ABI3BP: variants seen among roughly 807,000 people sequenced by gnomAD.
ABI3BP encodes the protein target of Nesh-SH3.
A neutral mutation model predicts 268.6 loss-of-function variants in ABI3BP; 216 were observed. The observed-to-expected ratio is 0.80, with a 90% confidence interval of 0.72 to 0.90. ABI3BP has a LOEUF of 0.90. Ranked by LOEUF, ABI3BP falls within the 40% of genes least tolerant of loss-of-function variation. ABI3BP has a pLI of 0.00. For missense variants in ABI3BP, 2,090 were observed against 2,182.4 expected (o/e 0.96, Z 0.84); for synonymous variants, 730 against 730.0 (o/e 1.00, Z 0.00).
chr3:100,796,601 T>C (rs1331457975), intron 51 of ABI3BP, 133 bp from the exon 52 acceptor site: 1 of 558,578 alleles, frequency 1.8e-6, no homozygotes, highest in East Asian at 3.4e-5. Context: ...TGACCAAAGT[T>C]GAGAAGATGC....
Position 100,840,874 on chromosome 3 carries a change from A to C in ABI3BP, c.1766-16T>G. ...GTTTCAGGTCCTAAGACAATGTGAA[A>C]AAATCACCAAGAAAGAATCAAGATC... On this transcript the variant is annotated splice_polypyrimidine_tract_variant and intron_variant, in intron 21 of 67. Coordinates refer to ENST00000471714, the MANE Select transcript of ABI3BP (RefSeq NM_001375547.2). 2.6e-6 allele frequency: 4 copies of C among 1,530,386 alleles called. No individual in the cohort carries two copies. The highest frequency in any genetic ancestry group is 3.5e-6 in the Non-Finnish European group (4 of 1,143,140). 94.8% of individuals were successfully genotyped at this position (1,530,386 alleles called of 1,614,324 possible).
At chr3:100,847,726 C>T (rs2098788511) in intron 18 of ABI3BP, 53 bp from the exon 19 acceptor site, 3 of 1,454,998 alleles carry the variant, frequency 2.1e-6, no homozygotes, top group African/African-American at 1.4e-5. Flanking sequence ...AATAAAAAGA[C>T]ACCCTCTAAA....
chr3:100,928,253 C>A (rs1338733001), intron 1 of ABI3BP, among the ~76,000 whole-genome samples: 1 of 151,876 alleles, frequency 6.6e-6, no homozygotes, highest in East Asian at 1.9e-4. Flanking sequence ...TCTTTATTCC[C>A]CAGAGATTTA....
intron 42 of ABI3BP, 102 bp from the exon 43 acceptor site, chr3:100,816,870 G>T: frequency 1.4e-6 from 1 of 735,296 alleles, no homozygotes; most frequent in Non-Finnish European, 2.2e-6. Context: ...TAAGTCATAT[G>T]TCTTTTAAGA....
intron 2 of ABI3BP, among the ~76,000 whole-genome samples, chr3:100,916,858 T>C (rs2058754211): frequency 6.6e-6 from 1 of 152,204 alleles, no homozygotes; most frequent in South Asian, 2.1e-4. Context: ...GTGAAACATC[T>C]GGGGACCATG....
In ABI3BP at chr3:100,752,200, C is replaced by G. The variant is rs9823961; in HGVS notation, c.5123-526G>C. 6.4e-3 allele frequency among the ~76,000 whole-genome samples: 981 copies of G among 152,226 alleles called. 8 individuals carry two copies. Among genetic ancestry groups the G allele is most frequent in the African/African-American group, 0.021 (889 of 41,550 alleles). On this transcript the variant is annotated intron_variant, in intron 66 of 67. Transcript: ENST00000471714. ...AAATGTTTACTTATTTATGTATTGT[C>G]TATCTCTTCTTACTAAGGAAGGGAA...
chr3:100,927,834 G>GTTAAT (rs2062306969), intron 1 of ABI3BP, among the ~76,000 whole-genome samples: 1 of 152,060 alleles, frequency 6.6e-6, no homozygotes, highest in Non-Finnish European at 1.5e-5. Flanking sequence ...TAATGTAAAT[G>GTTAAT]GCACAACCTT....
chr3:100,770,938 A>G lies in ABI3BP; in HGVS notation c.4546T>C (p.Tyr1516His), dbSNP rs1321784356. 2 of 1,587,468 alleles carry G rather than the reference A, an allele frequency of 1.3e-6. No individual in the cohort carries two copies. The highest frequency in any genetic ancestry group is 2.3e-5 in the South Asian group (2 of 85,614). ...GGACTGTTGTCAGGCTTTTGGATGT[A>G]TCGCACATGAGGTCCTACGAGAGAG... is the stretch of plus-strand genomic sequence containing the variant. ...KPRFKGPHVR[Y>H]IQKPDNSPCS... is the part of the protein sequence containing the mutation. The change falls in exon 62 of 68, where the codon TAC becomes CAC. Residue 1516 changes from tyrosine to histidine, a missense_variant. Tyr to His is a moderately conservative substitution (Grantham distance 83). Coordinates refer to ENST00000471714, the MANE Select transcript of ABI3BP (RefSeq NM_001375547.2).
chr3:100,853,603 A>T (rs1409363163), intron 14 of ABI3BP, among the ~76,000 whole-genome samples: 3 of 152,192 alleles, frequency 2.0e-5, no homozygotes, highest in African/African-American at 4.8e-5. Flanking sequence ...ATTTAGTGAC[A>T]TTGGACCAAT....
At chr3:100,812,584 T>C in intron 45 of ABI3BP, 61 bp from the exon 46 acceptor site, 2 of 1,112,264 alleles carry the variant, frequency 1.8e-6, no homozygotes, top group South Asian at 3.4e-5. Context: ...TTTATAAAAG[T>C]GCTTTGCATC....
intron 4 of ABI3BP, among the ~76,000 whole-genome samples, chr3:100,893,266 T>C (rs2045628310): frequency 6.6e-6 from 1 of 152,202 alleles, no homozygotes; most frequent in Admixed American, 6.5e-5. Flanking sequence ...CATTGTCAGC[T>C]TCCCTACTTT....
chr3:100,878,291 A>G (rs181468681), intron 6 of ABI3BP, among the ~76,000 whole-genome samples: 95 of 152,374 alleles, frequency 6.2e-4, no homozygotes, highest in African/African-American at 2.2e-3. Flanking sequence ...TGTATAGAAA[A>G]GAGGCCAGAG....
At position 100,752,859 on chromosome 3, in the gene ABI3BP, A is replaced by G. The variant is rs747751013; in HGVS notation, c.5050T>C (p.Tyr1684His). The part of the protein sequence containing the change: ...KGKQYVKRTW[Y>H]KKFVGVQLCN... ...AGCTGCACTCCTACAAATTTTTTAT[A>G]CCATGTCCTTTTGACATATTGTTTG... The change falls in exon 66 of 68, where the codon TAT becomes CAT. Residue 1684 changes from tyrosine to histidine, a missense_variant. Transcript: ENST00000471714. 2 of 1,613,596 alleles carry G rather than the reference A, an allele frequency of 1.2e-6. No homozygotes were observed. The highest frequency in any genetic ancestry group is 1.7e-6 in the Non-Finnish European group (2 of 1,179,716).
chr3:100,902,756 C>G, intron 2 of ABI3BP, 70 bp from the exon 3 acceptor site: 1 of 1,269,836 alleles, frequency 7.9e-7, no homozygotes, highest in Non-Finnish European at 1.1e-6. Context: ...ACACCCCTAC[C>G]CTGATTCAGC....
chr3:100,899,248 A>C lies in ABI3BP; in HGVS notation c.329-354T>G, dbSNP rs191613987. ...TTAGCTGTGATGAGTGAAATAAACA[A>C]ACACACATACACACACTTAATTTCT... On this transcript the variant is annotated intron_variant, in intron 3 of 67. Transcript: ENST00000471714. Among the ~76,000 whole-genome samples, 4 of 152,344 alleles carry C rather than the reference A, an allele frequency of 2.6e-5. No individual in the cohort carries two copies. In the East Asian group the frequency reaches 7.7e-4, roughly 29 times the overall value.
rs533495818 is a variant in ABI3BP at position 100,749,336 on chromosome 3, TAAAA to T, written c.*1155_*1158del. On this transcript the variant is annotated 3_prime_UTR_variant, in exon 68 of 68. Coordinates refer to ENST00000471714, the MANE Select transcript of ABI3BP (RefSeq NM_001375547.2). The stretch of plus-strand genomic sequence containing the variant: ...GAAATAACAAACAAAAACTCAATCT[TAAAA>T]AAAAACTACATCTCTTTATTGCAGA... The T allele has an allele frequency of 7.8e-6, 1 of 128,202 alleles. No homozygotes were observed. The highest frequency in any genetic ancestry group is 4.1e-5 in the African/African-American group (1 of 24,678). The allele number at this position is 128,202 out of a possible 1,614,324, so 7.9% of individuals were successfully genotyped here.
intron 18 of ABI3BP, 35 bp from the exon 19 acceptor site, chr3:100,847,708 C>T (rs1172354332): frequency 6.4e-7 from 1 of 1,558,408 alleles, no homozygotes; most frequent in Non-Finnish European, 8.8e-7. Flanking sequence ...TTGAAATATC[C>T]TAGAGACAAT....
chr3:100,884,959 T>C (rs1045187676), intron 6 of ABI3BP, among the ~76,000 whole-genome samples: 6 of 144,712 alleles, frequency 4.1e-5, no homozygotes, highest in Non-Finnish European at 9.1e-5. Flanking sequence ...TGAGAATAGA[T>C]TTTGAAAAGT....
intron 39 of ABI3BP, 112 bp from the exon 40 acceptor site, chr3:100,820,415 G>C: frequency 1.2e-6 from 1 of 818,462 alleles, no homozygotes; most frequent in Non-Finnish European, 1.8e-6. Context: ...CATATTTCAG[G>C]AAATTTGTCT....
Sources: allele counts gnomAD v4.1 joint callset (sites outside exome capture counted in the v4.1 genomes callset), GRCh38; gene constraint gnomAD v4.1.1; transcripts MANE v1.5; gene names NCBI Gene and HGNC (gene_info 2026-07-23, HGNC 2026-07-21).